ZBTB45: variants seen among roughly 807,000 people sequenced by gnomAD.
ZBTB45 encodes zinc finger and BTB domain containing 45, also known as zinc finger and BTB domain-containing protein 45.
In ZBTB45, 22 loss-of-function variants were observed where a neutral mutation model predicts 28.4. The observed-to-expected ratio is 0.77, with a 90% CI of 0.55 to 1.10. ZBTB45 has a LOEUF of 1.10. ZBTB45 is among the 50% of genes least tolerant of loss of function. The pLI is 0.00. For synonymous variants in ZBTB45, 361 were observed against 332.3 expected (o/e 1.09, Z -0.94); for missense variants, 656 against 750.2 (o/e 0.87, Z 1.47).
In ZBTB45 at chr19:58,516,463, T is replaced by A; in HGVS notation, c.1211A>T (p.Glu404Val). 1 of 1,613,922 alleles carries A rather than the reference T, an allele frequency of 6.2e-7. No individual in the cohort carries two copies. The highest frequency in any genetic ancestry group is 8.5e-7 in the Non-Finnish European group (1 of 1,179,860). The change falls in exon 2 of 3, where the codon GAG (glutamate) becomes GTG (valine). Residue 404 changes from glutamate (E) to valine (V), a missense_variant. Glu to Val is a moderately radical substitution (Grantham distance 121). Coordinates refer to ENST00000594051, the MANE Select transcript of ZBTB45 (RefSeq NM_001316979.2). This position sits in a 1 kb window ranked among gnomAD's most constrained non-coding sequence, Gnocchi z 6.2. ...RTPGAEPPTY[E>V]CSHCRKTFSS... ...GAACGTCTTGCGACAGTGGCTGCACTCATACGTAGGTGGCTCAGCACCTGG... is the reference window on the plus strand; with the variant it reads ...GAACGTCTTGCGACAGTGGCTGCACACATACGTAGGTGGCTCAGCACCTGG...
chr19:58,517,429 T>G lies in ZBTB45; in HGVS notation c.245A>C (p.Gln82Pro). ...PPVVPAQTVRQLVEFLYSGSL... is the reference protein window; with the variant it reads ...PPVVPAQTVRPLVEFLYSGSL... ...ACCGCTGTACAGGAACTCTACCAGCTGTCGCACTGTCTGCGCGGGCACCAC... is the reference window on the plus strand; with the variant it reads ...ACCGCTGTACAGGAACTCTACCAGCGGTCGCACTGTCTGCGCGGGCACCAC... The change falls in exon 2 of 3, where the codon CAG becomes CCG. Residue 82 changes from glutamine to proline, a missense_variant. Gln to Pro is a moderately conservative substitution (Grantham distance 76). Around this residue, in one of 3 missense-constraint regions of ZBTB45, gnomAD observed 105 missense variants for 152.4 expected, o/e 0.69. Coordinates refer to ENST00000594051, the MANE Select transcript of ZBTB45 (RefSeq NM_001316979.2). The G allele has an allele frequency of 1.2e-6, 2 of 1,612,930 alleles. No individual in the cohort carries two copies. Among genetic ancestry groups the G allele is most frequent in the Non-Finnish European group, 1.7e-6 (2 of 1,179,788 alleles).
In ZBTB45 at chr19:58,514,019, G is replaced by C. The variant is rs932208760; in HGVS notation, c.*35C>G. 12 of 1,374,872 alleles carry C rather than the reference G, an allele frequency of 8.7e-6. No homozygotes were observed. In the Admixed American group the frequency reaches 1.8e-4, roughly 21 times the overall value. 85.2% of individuals were successfully genotyped at this position (1,374,872 alleles called of 1,614,324 possible). A position where few individuals can be genotyped will look rare whatever the true frequency, so the allele number is the denominator to read the frequency against. On this transcript the variant is annotated 3_prime_UTR_variant, in exon 3 of 3. Coordinates refer to ENST00000594051, the MANE Select transcript of ZBTB45 (RefSeq NM_001316979.2). ...CGTGGCCGACTGTGCGGGAGGCCCC[G>C]GATCCACCGTGGGCGAGGCCAGGCC...
chr19:58,514,015 C>T lies in ZBTB45; in HGVS notation c.*39G>A, dbSNP rs2053451427. 1 of 1,374,318 alleles carries T rather than the reference C, an allele frequency of 7.3e-7. No homozygotes were observed. The highest frequency in any genetic ancestry group is 2.9e-5 in the East Asian group (1 of 34,080). 85.1% of individuals were successfully genotyped at this position (1,374,318 alleles called of 1,614,324 possible). Reference sequence around the variant, plus strand: ...CGGGCGTGGCCGACTGTGCGGGAGGCCCCGGATCCACCGTGGGCGAGGCCA... The same window carrying T: ...CGGGCGTGGCCGACTGTGCGGGAGGTCCCGGATCCACCGTGGGCGAGGCCA... On this transcript the variant is annotated 3_prime_UTR_variant, in exon 3 of 3. Coordinates refer to ENST00000594051, the MANE Select transcript of ZBTB45 (RefSeq NM_001316979.2).
At chr19:58,534,742 G>T (rs1324830050) in intron 1 of ZBTB45, among the ~76,000 whole-genome samples, 2 of 152,060 alleles carry the variant, frequency 1.3e-5, no homozygotes, top group Admixed American at 1.3e-4. Context: ...ATTTTTAGTA[G>T]AGACAGGGTT....
chr19:58,531,468 C>T (rs2053635447), intron 1 of ZBTB45, among the ~76,000 whole-genome samples: 1 of 152,220 alleles, frequency 6.6e-6, no homozygotes, highest in African/African-American at 2.4e-5. Context: ...CCATGTACCT[C>T]ATAACATAAG....
At chr19:58,528,006 C>A (rs906720032) in intron 1 of ZBTB45, among the ~76,000 whole-genome samples, 1 of 152,152 alleles carries the variant, frequency 6.6e-6, no homozygotes, top group Non-Finnish European at 1.5e-5. Context: ...GAGGCTGAGA[C>A]AGGAGAATCC....
intron 1 of ZBTB45, among the ~76,000 whole-genome samples, chr19:58,527,494 C>T (rs1461941050): frequency 1.3e-5 from 2 of 152,172 alleles, no homozygotes; most frequent in Non-Finnish European, 2.9e-5. Flanking sequence ...AGTGGAATCA[C>T]ACAACATGAA....
At chr19:58,529,763 C>G (rs2053626467) in intron 1 of ZBTB45, among the ~76,000 whole-genome samples, 1 of 152,158 alleles carries the variant, frequency 6.6e-6, no homozygotes, top group Non-Finnish European at 1.5e-5. Flanking sequence ...CCCCTAGACC[C>G]CCACCCCAGA....
chr19:58,521,366 C>CAA (rs1180915172), upstream of ZBTB45, among the ~76,000 whole-genome samples: 128 of 93,544 alleles, frequency 1.4e-3, no homozygotes, highest in Non-Finnish European at 2.0e-3. Flanking sequence ...CACTCAGTCT[C>CAA]AAAAAAAAAA....
rs905578047 is a variant in ZBTB45 at position 58,537,046 on chromosome 19, G to A, written c.-1+1655C>T. Among the ~76,000 whole-genome samples the A allele has an allele frequency of 1.9e-4, 29 of 152,184 alleles. 1 individual carries two copies. Among genetic ancestry groups the A allele is most frequent in the African/African-American group, 6.5e-4 (27 of 41,514 alleles). ...GCGGAGCCAACCAAGGTGCACTAGC[G>A]TCCTGCCATATACTTATGGACCTCT... On this transcript the variant is annotated intron_variant, in intron 1 of 1. Transcript: ENST00000600130.
chr19:58,528,320 C>T (rs558989809), intron 1 of ZBTB45, among the ~76,000 whole-genome samples: 12 of 152,192 alleles, frequency 7.9e-5, no homozygotes, highest in South Asian at 2.1e-4. Flanking sequence ...TGCTCCACAC[C>T]GCCTCGTGTT....
At chr19:58,533,571 C>T (rs1433504698) in intron 1 of ZBTB45, among the ~76,000 whole-genome samples, 1 of 151,434 alleles carries the variant, frequency 6.6e-6, no homozygotes, top group Non-Finnish European at 1.5e-5. Flanking sequence ...TTTTTTTAAG[C>T]TGCCATGTTT....
Position 58,516,308 on chromosome 19 carries a change from C to A in ZBTB45, c.1279+87G>T. 6.6e-7 allele frequency: 1 copy of A among 1,505,992 alleles called. No homozygotes were observed. The highest frequency in any genetic ancestry group is 9.1e-7 in the Non-Finnish European group (1 of 1,101,028). The allele number at this position is 1,505,992 out of a possible 1,614,324, so 93.3% of individuals were successfully genotyped here. On this transcript the variant is annotated intron_variant, in intron 2 of 2. Coordinates refer to ENST00000594051, the MANE Select transcript of ZBTB45 (RefSeq NM_001316979.2). This position sits in a 1 kb window ranked among gnomAD's most constrained non-coding sequence, Gnocchi z 6.2. ...CTAACCAAAAGTAACAGAACAGTGC[C>A]AGTGCCCTGTAACTAGTGCTCAATT...
In ZBTB45 at chr19:58,516,679, A is replaced by G; in HGVS notation, c.995T>C (p.Phe332Ser). 1.3e-6 allele frequency: 2 copies of G among 1,571,094 alleles called. No homozygotes were observed. The highest frequency in any genetic ancestry group is 1.7e-6 in the Non-Finnish European group (2 of 1,157,084). ...CCCAGGGGCACCCAAGTGAAAGGGGAAGAGTGCAACGGGCGGCCCTGGGGT... is the reference window on the plus strand; with the variant it reads ...CCCAGGGGCACCCAAGTGAAAGGGGGAGAGTGCAACGGGCGGCCCTGGGGT... The part of the protein sequence containing the change: ...VKTPGPPVAL[F>S]PFHLGAPGPP... The change falls in exon 2 of 3, where the codon TTC (phenylalanine) becomes TCC (serine). Residue 332 changes from phenylalanine (F) to serine (S), a missense_variant. By Grantham distance (155) the Phe-to-Ser change is radical (BLOSUM62 -2). Coordinates refer to ENST00000594051, the MANE Select transcript of ZBTB45 (RefSeq NM_001316979.2). This position sits in a 1 kb window ranked among gnomAD's most constrained non-coding sequence, Gnocchi z 6.2.
Position 58,516,952 on chromosome 19 carries a change from GCA to G in ZBTB45, c.720_721del (p.Ala241CysfsTer9). The G allele has an allele frequency of 1.2e-6, 2 of 1,613,326 alleles. No individual in the cohort carries two copies. Among genetic ancestry groups the G allele is most frequent in the East Asian group, 2.2e-5 (1 of 44,888 alleles). ...AGCAGCAGCAGTGAGGAAGCCAGCA[GCA>G]CAGTCTGGGAAGGAAGGAGGTGCCT... is the stretch of plus-strand genomic sequence containing the variant. On this transcript the variant is annotated frameshift_variant, in exon 2 of 3. Transcript: ENST00000594051. LOFTEE classifies it high-confidence loss of function. The surrounding 1 kb of genome is among the most constrained non-coding windows in gnomAD (Gnocchi z 6.2).
rs1322486575 is a variant in ZBTB45, at chr19:58,514,100, T to C, written c.1490A>G (p.His497Arg). 2 of 1,590,952 alleles carry C rather than the reference T, an allele frequency of 1.3e-6. No homozygotes were observed. The highest frequency in any genetic ancestry group is 8.5e-7 in the Non-Finnish European group (1 of 1,170,336). The change falls in exon 3 of 3, where the codon CAC becomes CGC. Residue 497 changes from histidine to arginine, a missense_variant. His to Arg is a conservative substitution (Grantham distance 29). Around this residue, in one of 3 missense-constraint regions of ZBTB45, gnomAD observed 103 missense variants for 153.5 expected, o/e 0.67. Coordinates refer to ENST00000594051, the MANE Select transcript of ZBTB45 (RefSeq NM_001316979.2). ...PCPACGKVFSHRALLERHLAA... is the reference protein window; with the variant it reads ...PCPACGKVFSRRALLERHLAA... ...CAGGTGGCGCTCCAGCAGCGCGCGGTGCGAGAAGACCTTGCCGCAGGCGGG... is the reference window on the plus strand; with the variant it reads ...CAGGTGGCGCTCCAGCAGCGCGCGGCGCGAGAAGACCTTGCCGCAGGCGGG...
intron 1 of ZBTB45, among the ~76,000 whole-genome samples, chr19:58,525,625 G>C (rs1420237955): frequency 6.6e-6 from 1 of 152,210 alleles, no homozygotes; most frequent in Non-Finnish European, 1.5e-5. Flanking sequence ...AGAAGCAATG[G>C]CTGGGACCAG....
chr19:58,538,909 A>G (rs2053676894), exon 1 of ZBTB45: 1 of 152,298 alleles, frequency 6.6e-6, no homozygotes, highest in African/African-American at 2.4e-5. Context: ...CCACGTTTTC[A>G]ACGCGCTGAT....
chr19:58,535,374 C>A (rs1369992297), intron 1 of ZBTB45, among the ~76,000 whole-genome samples: 1 of 151,896 alleles, frequency 6.6e-6, no homozygotes, highest in African/African-American at 2.4e-5. Context: ...GTGGCTCACA[C>A]TGGTAATCCC....
Sources: allele counts gnomAD v4.1 joint callset (sites outside exome capture counted in the v4.1 genomes callset), GRCh38; gene constraint gnomAD v4.1.1; regional missense constraint gnomAD v4.1.1; non-coding constraint Gnocchi (gnomAD v3.1); transcripts MANE v1.5; gene names NCBI Gene and HGNC (gene_info 2026-07-23, HGNC 2026-07-21).